OPCML: variants seen among roughly 807,000 people sequenced by gnomAD.
OPCML encodes opioid binding protein/cell adhesion molecule like, also known as opioid-binding protein/cell adhesion molecule.
A neutral mutation model predicts 37.8 loss-of-function variants in OPCML; 13 were observed. The observed-to-expected ratio is 0.34, with a 90% CI of 0.22 to 0.55. OPCML has a LOEUF of 0.55. Ranked by LOEUF, OPCML falls within the 20% of genes least tolerant of loss-of-function variation. The pLI is 0.91. For missense variants in OPCML, 341 were observed against 435.6 expected, an observed-to-expected ratio of 0.78 and a Z score of 1.93; for synonymous variants, 176 against 168.8, an observed-to-expected ratio of 1.04 and a Z score of -0.33.
chr11:133,278,330 G>C (rs916674788), intron 1 of OPCML, among the ~76,000 whole-genome samples: 35 of 152,176 alleles, frequency 2.3e-4, no homozygotes, highest in African/African-American at 7.9e-4. Flanking sequence ...TCTTTTTTAG[G>C]GGGGGTTATT....
chr11:133,161,716 G>A (rs1237679011), intron 1 of OPCML, among the ~76,000 whole-genome samples: 3 of 152,142 alleles, frequency 2.0e-5, no homozygotes, highest in Non-Finnish European at 4.4e-5. Flanking sequence ...ATGTGTATAT[G>A]TATATATAAT....
chr11:132,466,169 C>G (rs2096118835), intron 4 of OPCML, among the ~76,000 whole-genome samples: 1 of 152,280 alleles, frequency 6.6e-6, no homozygotes, highest in East Asian at 1.9e-4. Flanking sequence ...GGGAGCAAGT[C>G]TGAATGATTC....
chr11:132,430,291 G>T (rs1168002461), intron 7 of OPCML, among the ~76,000 whole-genome samples: 1 of 152,104 alleles, frequency 6.6e-6, no homozygotes, highest in African/African-American at 2.4e-5. Flanking sequence ...GATGGAGGGG[G>T]AAGAGGAGGG....
At chr11:133,042,681 A>G (rs571809724) in intron 1 of OPCML, among the ~76,000 whole-genome samples, 2 of 152,302 alleles carry the variant, frequency 1.3e-5, no homozygotes, top group Admixed American at 1.3e-4. Flanking sequence ...CTAGCTCTGC[A>G]GTTACGTTCT....
chr11:132,928,552 A>C (rs919533757), intron 2 of OPCML, among the ~76,000 whole-genome samples: 6 of 152,164 alleles, frequency 3.9e-5, no homozygotes, highest in African/African-American at 1.4e-4. Context: ...TTTCAATAAT[A>C]GATATAACAA....
chr11:132,572,110 C>CT (rs769748652), intron 3 of OPCML, among the ~76,000 whole-genome samples: 1,634 of 138,050 alleles, frequency 0.012, 22 homozygotes, highest in African/African-American at 0.035. Context: ...TTAAATCATG[C>CT]TTTTTTTTTT....
At chr11:133,304,997 A>C (rs551976050) in intron 1 of OPCML, among the ~76,000 whole-genome samples, 1 of 152,262 alleles carries the variant, frequency 6.6e-6, no homozygotes, top group Non-Finnish European at 1.5e-5. Context: ...CAGTCTCAAA[A>C]CTGCAACTCA....
At chr11:133,415,698 C>T (rs79441057) in intron 1 of OPCML, among the ~76,000 whole-genome samples, 16,152 of 152,092 alleles carry the variant, frequency 0.11, 1,337 homozygotes, top group African/African-American at 0.21. Flanking sequence ...GGAGTATGGA[C>T]CTTGGAATGG....
chr11:133,084,348 A>C (rs915295756), intron 1 of OPCML, among the ~76,000 whole-genome samples: 2 of 152,190 alleles, frequency 1.3e-5, no homozygotes, highest in African/African-American at 4.8e-5. Flanking sequence ...TCAATGTTTT[A>C]AGAAGGCTAA....
rs567699511 is a variant in OPCML, at chr11:133,025,457, C to T, written c.62-82447G>A. On this transcript the variant is annotated intron_variant, in intron 1 of 7. Coordinates refer to ENST00000524381, the MANE Select transcript of OPCML (RefSeq NM_001012393.5). ...GGTAACTGTATTGAAGAAATCCAAA[C>T]TTTATAACCCTTAACTATTTGGTAA... The T allele has an allele frequency of 4.6e-3, 4,540 of 985,338 alleles. 14 individuals carry two copies. Among genetic ancestry groups the T allele is most frequent in the Non-Finnish European group, 5.2e-3 (4,292 of 829,860 alleles). 61.0% of individuals were successfully genotyped at this position (985,338 alleles called of 1,614,324 possible).
chr11:133,260,925 TGGA>T (rs1437660463), intron 1 of OPCML, among the ~76,000 whole-genome samples: 1 of 151,880 alleles, frequency 6.6e-6, no homozygotes, highest in African/African-American at 2.4e-5. Context: ...ACAAAAAAGG[TGGA>T]GGACAGAGGC....
rs185240636 is a variant in OPCML, at chr11:133,347,718, G to A, written c.61+184546C>T. Among the ~76,000 whole-genome samples, 28 of 152,248 alleles carry A rather than the reference G, an allele frequency of 1.8e-4. No homozygotes were observed. In the East Asian group the frequency reaches 5.0e-3, roughly 27 times the overall value. ...ATAAGTGGAGGAATTTTCTTGACTC[G>A]GAAAGGAAAGCTCCTGCTGGCCAAA... On this transcript the variant is annotated intron_variant, in intron 1 of 7. Coordinates refer to ENST00000524381, the MANE Select transcript of OPCML (RefSeq NM_001012393.5).
At chr11:132,460,213 G>A (rs904278671) in intron 4 of OPCML, among the ~76,000 whole-genome samples, 2 of 147,914 alleles carry the variant, frequency 1.4e-5, no homozygotes, top group Non-Finnish European at 2.9e-5. Context: ...TTAAGTTAAA[G>A]TGACTTTTTT....
At chr11:133,119,602 T>C (rs1260409058) in intron 1 of OPCML, among the ~76,000 whole-genome samples, 2 of 152,036 alleles carry the variant, frequency 1.3e-5, no homozygotes, top group African/African-American at 4.8e-5. Context: ...TCACCTGACA[T>C]AGTGCAAACA....
intron 1 of OPCML, among the ~76,000 whole-genome samples, chr11:133,061,114 C>T (rs557503067): frequency 8.5e-5 from 13 of 152,348 alleles, no homozygotes; most frequent in Non-Finnish European, 1.8e-4. Flanking sequence ...AGTCCTCCTG[C>T]CTGAGCCTCC....
intron 4 of OPCML, among the ~76,000 whole-genome samples, chr11:132,498,376 C>A (rs1457403951): frequency 6.6e-6 from 1 of 152,176 alleles, no homozygotes; most frequent in East Asian, 1.9e-4. Context: ...TCCATGCTCC[C>A]TATTTCATTT....
At chr11:132,548,410 C>T (rs540188719) in intron 3 of OPCML, among the ~76,000 whole-genome samples, 14 of 152,254 alleles carry the variant, frequency 9.2e-5, no homozygotes, top group African/African-American at 3.1e-4. Flanking sequence ...ATAATGGTGA[C>T]CCTCCTGGCC....
chr11:133,472,209 G>T (rs895690629), intron 1 of OPCML, among the ~76,000 whole-genome samples: 7 of 152,064 alleles, frequency 4.6e-5, no homozygotes, highest in Admixed American at 4.6e-4. Flanking sequence ...CAAATCCTCT[G>T]CAAATGCCAG....
At chr11:133,152,395 G>A (rs993844064) in intron 1 of OPCML, among the ~76,000 whole-genome samples, 26 of 152,124 alleles carry the variant, frequency 1.7e-4, no homozygotes, top group African/African-American at 2.4e-4. Context: ...TTAAGAACTC[G>A]GAGTTTCCTT....
Sources: gnomAD v4.1 joint callset for allele counts (sites outside exome capture counted in the v4.1 genomes callset) on GRCh38, gnomAD v4.1.1 for gene constraint, MANE v1.5 for transcripts, NCBI Gene and HGNC (gene_info 2026-07-23, HGNC 2026-07-21) for gene names.